KIF16B: variants seen among roughly 807,000 people sequenced by gnomAD.
KIF16B encodes kinesin family member 16B, also known as kinesin-like protein KIF16B.
In KIF16B, 98 loss-of-function variants were observed where a neutral mutation model predicts 156.3. The observed-to-expected ratio is 0.63, with a 90% confidence interval of 0.53 to 0.74. The LOEUF is 0.74. Ranked by LOEUF, KIF16B falls within the 30% of genes least tolerant of loss-of-function variation. The pLI, the probability that KIF16B is intolerant of heterozygous loss-of-function variation, is 0.00. For synonymous variants in KIF16B, 564 were observed against 583.7 expected, an observed-to-expected ratio of 0.97 and a Z score of 0.49; for missense variants, 1,421 against 1,606.5, an observed-to-expected ratio of 0.88 and a Z score of 1.97.
chr20:16,351,608 T>C (rs530760576), intron 23 of KIF16B, among the ~76,000 whole-genome samples: 1 of 152,332 alleles, frequency 6.6e-6, no homozygotes, highest in African/African-American at 2.4e-5. Flanking sequence ...TAGAACGTGC[T>C]GTTCTCAGAG....
intron 15 of KIF16B, 75 bp downstream of exon 15, chr20:16,427,029 T>C: frequency 3.9e-6 from 5 of 1,271,852 alleles, no homozygotes; most frequent in Non-Finnish European, 5.4e-6. Context: ...AAGATGCACA[T>C]GTTCCCCCAT....
At chr20:16,480,260 A>C (rs1224014019) in intron 12 of KIF16B, among the ~76,000 whole-genome samples, 1 of 152,234 alleles carries the variant, frequency 6.6e-6, no homozygotes, top group African/African-American at 2.4e-5. Context: ...AAGACCTTTC[A>C]TAACAGAGAA....
chr20:16,426,525 G>A (rs914654493), intron 15 of KIF16B, among the ~76,000 whole-genome samples: 5 of 152,166 alleles, frequency 3.3e-5, no homozygotes, highest in African/African-American at 1.2e-4. Flanking sequence ...CTGAGGATCC[G>A]ATGGTAGAAA....
rs1016032457 is a variant in KIF16B at position 16,379,742 on chromosome 20, G to C, written c.2260C>G (p.Gln754Glu). ...ACGAGCATGACCTGCTCCTTCTCCT[G>C]CTCCTCTAGTCTCTTTTTTTCCAGT... Reference protein sequence around the residue: ...LELEKKRLEEQEKEQVMLVAH... With the variant: ...LELEKKRLEEEEKEQVMLVAH... Residue 754 changes from glutamine (Q) to glutamate (E), a missense_variant, in exon 19 of 26, where the codon CAG (glutamine) becomes GAG (glutamate). Coordinates refer to ENST00000354981, the MANE Select transcript of KIF16B (RefSeq NM_024704.5). The C allele has an allele frequency of 6.2e-7, 1 of 1,613,994 alleles. No individual in the cohort carries two copies. The highest frequency in any genetic ancestry group is 8.5e-7 in the Non-Finnish European group (1 of 1,180,034).
chr20:16,428,018 G>T (rs1368013832), intron 14 of KIF16B, among the ~76,000 whole-genome samples: 1 of 152,060 alleles, frequency 6.6e-6, no homozygotes, highest in Non-Finnish European at 1.5e-5. Context: ...GAAAACGTGT[G>T]TTCTTACCAT....
chr20:16,417,054 G>A (rs903868417), intron 15 of KIF16B, among the ~76,000 whole-genome samples: 5 of 152,106 alleles, frequency 3.3e-5, no homozygotes, highest in Non-Finnish European at 7.4e-5. Flanking sequence ...TTTCTTGGCC[G>A]TAGACACGGA....
chr20:16,454,150 C>T (rs527671381), intron 12 of KIF16B, among the ~76,000 whole-genome samples: 40 of 152,144 alleles, frequency 2.6e-4, no homozygotes, highest in African/African-American at 8.7e-4. Context: ...CATACTGCTA[C>T]GTGAATACAG....
chr20:16,477,149 C>A (rs1488810842), intron 12 of KIF16B, among the ~76,000 whole-genome samples: 2 of 149,376 alleles, frequency 1.3e-5, no homozygotes, highest in Non-Finnish European at 3.0e-5. Context: ...ATTCTGAGAC[C>A]AAGTTATTTA....
At chr20:16,458,019 G>A (rs531027308) in intron 12 of KIF16B, among the ~76,000 whole-genome samples, 1 of 152,258 alleles carries the variant, frequency 6.6e-6, no homozygotes, top group Non-Finnish European at 1.5e-5. Context: ...TTGGCCTCAT[G>A]AAGCCCTTTT....
At chr20:16,438,418 C>A (rs974290794) in intron 12 of KIF16B, among the ~76,000 whole-genome samples, 3 of 152,018 alleles carry the variant, frequency 2.0e-5, no homozygotes, top group African/African-American at 7.3e-5. Flanking sequence ...AGTTATTGTT[C>A]ATCTCTTACT....
chr20:16,541,136 C>G (rs1342006598), intron 1 of KIF16B, among the ~76,000 whole-genome samples: 1 of 152,216 alleles, frequency 6.6e-6, no homozygotes, highest in Non-Finnish European at 1.5e-5. Flanking sequence ...TGTTCCTTAT[C>G]CTTTCCTATT....
intron 11 of KIF16B, among the ~76,000 whole-genome samples, chr20:16,496,558 T>C (rs1263757976): frequency 6.6e-6 from 1 of 152,184 alleles, no homozygotes; most frequent in Non-Finnish European, 1.5e-5. Flanking sequence ...TAGATGATAA[T>C]TTAGAAAATG....
chr20:16,430,100 A>C lies in KIF16B; in HGVS notation c.1303-118T>G, dbSNP rs949626253. 5.6e-6 allele frequency: 6 copies of C among 1,067,086 alleles called. No homozygotes were observed. The African/African-American group carries it at 9.6e-5, about 17-fold the overall frequency. The allele number at this position is 1,067,086 out of a possible 1,614,324, so 66.1% of individuals were successfully genotyped here. On this transcript the variant is annotated intron_variant, in intron 12 of 25. Transcript: ENST00000354981. ...TTTATTTCTCATCTAAAAAACTGCA[A>C]GAAAAATGGACCTTAAACTTCGTGT...
chr20:16,406,603 C>T, intron 15 of KIF16B, 147 bp from the exon 16 acceptor site: 3 of 724,012 alleles, frequency 4.1e-6, no homozygotes, highest in South Asian at 1.8e-5. Flanking sequence ...AGTCTGCTTA[C>T]TTAAGACAAT....
intron 1 of KIF16B, among the ~76,000 whole-genome samples, chr20:16,539,502 G>C (rs2070111143): frequency 6.6e-6 from 1 of 152,162 alleles, no homozygotes; most frequent in African/African-American, 2.4e-5. Context: ...AAATTTCTAA[G>C]CAGTGAGTAA....
rs563501089 is a variant in KIF16B, at chr20:16,397,206, T to C, written c.1784+7607A>G. On this transcript the variant is annotated intron_variant, in intron 17 of 25. Transcript: ENST00000354981. ...CGCTGCACCAGCTGAGGAGGAATGTTTCCCCTGCAGGAAAATTATCTCCTG... is the reference window on the plus strand; with the variant it reads ...CGCTGCACCAGCTGAGGAGGAATGTCTCCCCTGCAGGAAAATTATCTCCTG... 3.3e-5 allele frequency among the ~76,000 whole-genome samples: 5 copies of C among 152,298 alleles called. No homozygotes were observed. In the South Asian group the frequency reaches 1.0e-3, roughly 32 times the overall value.
At chr20:16,300,383 T>C (rs2063454458) in intron 25 of KIF16B, among the ~76,000 whole-genome samples, 1 of 152,238 alleles carries the variant, frequency 6.6e-6, no homozygotes, top group Non-Finnish European at 1.5e-5. Context: ...GGAAGATGTG[T>C]TCCTTTTAAT....
At chr20:16,509,693 A>G (rs1016317573) in intron 6 of KIF16B, among the ~76,000 whole-genome samples, 6 of 152,090 alleles carry the variant, frequency 3.9e-5, no homozygotes, top group Non-Finnish European at 8.8e-5. Flanking sequence ...GATTTATAGG[A>G]GCTCTTTATA....
At chr20:16,367,820 G>A (rs764764348) in intron 22 of KIF16B, 23 of 1,611,136 alleles carry the variant, frequency 1.4e-5, no homozygotes, top group Admixed American at 6.7e-5. Context: ...AGGAGGTCAC[G>A]ACACAGCTGT....
Sources: gnomAD v4.1 joint callset for allele counts (sites outside exome capture counted in the v4.1 genomes callset) on GRCh38, gnomAD v4.1.1 for gene constraint, MANE v1.5 for transcripts, NCBI Gene and HGNC (gene_info 2026-07-23, HGNC 2026-07-21) for gene names.